HHAT: variants seen among roughly 807,000 people sequenced by gnomAD.
HHAT encodes protein-cysteine N-palmitoyltransferase HHAT.
In HHAT, 47 loss-of-function variants were observed where a neutral mutation model predicts 70.8. That is an observed-to-expected ratio of 0.66 (90% confidence interval 0.53 to 0.85). The LOEUF is 0.85. HHAT is among the 40% of genes least tolerant of loss of function. The pLI is 0.00. For missense variants in HHAT, 609 were observed against 604.8 expected (o/e 1.01, Z -0.07); for synonymous variants, 228 against 247.6 (o/e 0.92, Z 0.74).
chr1:210,333,812 C>T (rs1018628199), intron 1 of HHAT, among the ~76,000 whole-genome samples: 13 of 152,088 alleles, frequency 8.5e-5, no homozygotes, highest in Non-Finnish European at 1.5e-4. Context: ...TGTTCACCAC[C>T]GTGCCTGGCT....
chr1:210,363,640 G>T (rs1371789378), intron 3 of HHAT, among the ~76,000 whole-genome samples: 1 of 152,076 alleles, frequency 6.6e-6, no homozygotes, highest in African/African-American at 2.4e-5. Flanking sequence ...TTTCAGCTAT[G>T]ACTTGGACTG....
At chr1:210,582,790 G>C (rs1234196216) in intron 9 of HHAT, among the ~76,000 whole-genome samples, 1 of 152,160 alleles carries the variant, frequency 6.6e-6, no homozygotes, top group Non-Finnish European at 1.5e-5. Flanking sequence ...GTGGGACAGA[G>C]GGCAACTACT....
intron 11 of HHAT, among the ~76,000 whole-genome samples, chr1:210,641,936 CTTAT>C (rs779057340): frequency 6.6e-6 from 1 of 152,178 alleles, no homozygotes; most frequent in Non-Finnish European, 1.5e-5. Flanking sequence ...AACATAAAAT[CTTAT>C]TTATTCTAGT....
intron 7 of HHAT, among the ~76,000 whole-genome samples, chr1:210,433,131 A>T (rs2093292514): frequency 6.6e-6 from 1 of 151,690 alleles, no homozygotes; most frequent in Non-Finnish European, 1.5e-5. Context: ...ACTGGGTAAC[A>T]TTCTACCCTG....
chr1:210,494,136 C>T (rs2094594298), intron 8 of HHAT, among the ~76,000 whole-genome samples: 1 of 152,204 alleles, frequency 6.6e-6, no homozygotes, highest in South Asian at 2.1e-4. Flanking sequence ...ATCACCTTGT[C>T]TCTATCCTAC....
chr1:210,538,040 CT>C (rs1009812253), intron 9 of HHAT, among the ~76,000 whole-genome samples: 4 of 147,538 alleles, frequency 2.7e-5, no homozygotes, highest in South Asian at 4.3e-4. Flanking sequence ...TATTACAAGG[CT>C]TTTTTTTCCT....
intron 9 of HHAT, among the ~76,000 whole-genome samples, chr1:210,578,869 G>T (rs770899556): frequency 1.3e-5 from 2 of 152,224 alleles, no homozygotes; most frequent in Non-Finnish European, 1.5e-5. Flanking sequence ...GATGTTTACT[G>T]TAGCACTATT....
At chr1:210,366,740 G>A (rs767649794) in intron 3 of HHAT, among the ~76,000 whole-genome samples, 2 of 152,136 alleles carry the variant, frequency 1.3e-5, no homozygotes, top group Non-Finnish European at 2.9e-5. Flanking sequence ...ATATTTAAGG[G>A]CTCTTAAATG....
rs954527691 is a variant in HHAT, at chr1:210,641,720, C to G, written c.1390+18050C>G. The stretch of plus-strand genomic sequence containing the variant: ...AAACTTCACTCAGCGAAACTGAGCC[C>G]AGTAGGGACACACAGCATGCACATA... On this transcript the variant is annotated intron_variant, in intron 11 of 11. Transcript: ENST00000261458. Among the ~76,000 whole-genome samples the G allele has an allele frequency of 2.0e-5, 3 of 152,282 alleles. No homozygotes were observed. The East Asian group carries it at 5.8e-4, about 29-fold the overall frequency.
chr1:210,440,347 C>T (rs534193973), intron 7 of HHAT, among the ~76,000 whole-genome samples: 4 of 151,696 alleles, frequency 2.6e-5, no homozygotes, highest in East Asian at 1.9e-4. Context: ...AAGCTCCAGT[C>T]GATTCTGTAG....
chr1:210,585,651 T>G lies in HHAT; in HGVS notation c.1044-2247T>G, dbSNP rs557002094. On this transcript the variant is annotated intron_variant, in intron 9 of 11. Coordinates refer to ENST00000261458, the MANE Select transcript of HHAT (RefSeq NM_018194.6). Reference sequence around the variant, plus strand: ...CCAGGCTGGTCTCGAACTCCTGACCTCAGGTGATCCACCCGCCTCAGCCTC... The same window carrying G: ...CCAGGCTGGTCTCGAACTCCTGACCGCAGGTGATCCACCCGCCTCAGCCTC... Among the ~76,000 whole-genome samples the G allele has an allele frequency of 5.3e-5, 8 of 152,214 alleles. 1 individual carries two copies. The South Asian group carries it at 1.5e-3, about 28-fold the overall frequency.
chr1:210,449,727 G>A lies in HHAT; in HGVS notation c.857-14778G>A, dbSNP rs544747634. 4.3e-4 allele frequency among the ~76,000 whole-genome samples: 66 copies of A among 152,328 alleles called. 2 individuals are homozygous for A. The South Asian group carries it at 7.0e-3, about 16-fold the overall frequency. ...TTAAGGGAGGCTAGACGGGCTAGAT[G>A]ATTGTGAGTTATGTAAGTGCTGACC... On this transcript the variant is annotated intron_variant, in intron 7 of 11. Coordinates refer to ENST00000261458, the MANE Select transcript of HHAT (RefSeq NM_018194.6).
intron 9 of HHAT, among the ~76,000 whole-genome samples, chr1:210,514,744 G>A (rs978800978): frequency 6.6e-6 from 1 of 152,202 alleles, no homozygotes; most frequent in Non-Finnish European, 1.5e-5. Context: ...AAGCTGTACA[G>A]TCATTTATTC....
At chr1:210,615,729 G>C (rs560510684) in intron 10 of HHAT, among the ~76,000 whole-genome samples, 4 of 152,374 alleles carry the variant, frequency 2.6e-5, no homozygotes, top group East Asian at 1.9e-4. Context: ...CTAGGTATCA[G>C]CAGTGGAGGC....
chr1:210,487,550 T>C (rs1212883324), intron 8 of HHAT, among the ~76,000 whole-genome samples: 1 of 152,188 alleles, frequency 6.6e-6, no homozygotes, highest in African/African-American at 2.4e-5. Context: ...AATATGTGTT[T>C]CTCGTATGAC....
At chr1:210,536,472 C>T (rs529158165) in intron 9 of HHAT, among the ~76,000 whole-genome samples, 201 of 152,356 alleles carry the variant, frequency 1.3e-3, no homozygotes, top group African/African-American at 4.7e-3. Flanking sequence ...GGGCTCAGCA[C>T]CACATTACTG....
chr1:210,594,170 A>G (rs1404336540), intron 10 of HHAT, among the ~76,000 whole-genome samples: 7 of 152,078 alleles, frequency 4.6e-5, no homozygotes, highest in Admixed American at 4.6e-4. Flanking sequence ...ATTCAATGTT[A>G]TTATTTATAC....
At chr1:210,429,212 C>T (rs1572379522) in intron 7 of HHAT, among the ~76,000 whole-genome samples, 2 of 151,584 alleles carry the variant, frequency 1.3e-5, no homozygotes, top group African/African-American at 4.9e-5. Flanking sequence ...ATTTTTGCCC[C>T]CGAGTAACAT....
chr1:210,429,861 G>A (rs1192905154), intron 7 of HHAT, among the ~76,000 whole-genome samples: 6 of 151,766 alleles, frequency 4.0e-5, no homozygotes, highest in African/African-American at 1.2e-4. Context: ...GCATTTTTTG[G>A]TGAAACTTGC....
Sources: gnomAD v4.1 joint callset for allele counts (sites outside exome capture counted in the v4.1 genomes callset) on GRCh38, gnomAD v4.1.1 for gene constraint, MANE v1.5 for transcripts, NCBI Gene and HGNC (gene_info 2026-07-23, HGNC 2026-07-21) for gene names.